The following PCDHA6 variants were observed in gnomAD, a reference collection of about 807,000 sequenced individuals.
PCDHA6 encodes protocadherin alpha 6.
A neutral mutation model predicts 60.3 loss-of-function variants in PCDHA6; 55 were observed. That is an observed-to-expected ratio of 0.91 (90% CI 0.73 to 1.14). The LOEUF (loss-of-function observed/expected upper bound fraction) is 1.14. PCDHA6 is among the 50% of genes most tolerant of loss of function. The pLI, the probability that PCDHA6 is intolerant of heterozygous loss-of-function variation, is 0.00. For synonymous variants in PCDHA6, 652 were observed against 557.9 expected (o/e 1.17, Z -2.38); for missense variants, 1,327 against 1,256.5 (o/e 1.06, Z -0.85).
At chr5:140,968,653 C>T (rs1301566656) in intron 1 of PCDHA6, 1 of 1,614,150 alleles carries the variant, frequency 6.2e-7, no homozygotes, top group Non-Finnish European at 8.5e-7. Flanking sequence ...AGACTTCTGA[C>T]CTGGACCTCT....
intron 1 of PCDHA6, among the ~76,000 whole-genome samples, chr5:140,938,121 A>C (rs981387543): frequency 6.6e-6 from 1 of 151,892 alleles, no homozygotes; most frequent in South Asian, 2.1e-4. Flanking sequence ...CTCTTTTTTT[A>C]AAAAAATAGA....
At chr5:140,909,850 C>T (rs181576128) in intron 1 of PCDHA6, among the ~76,000 whole-genome samples, 30 of 152,294 alleles carry the variant, frequency 2.0e-4, no homozygotes, top group Admixed American at 5.9e-4. Flanking sequence ...AGGACGTTTT[C>T]GGTCCCCTGG....
intron 1 of PCDHA6, chr5:140,883,045 A>G: frequency 1.2e-6 from 2 of 1,614,190 alleles, no homozygotes; most frequent in Non-Finnish European, 1.7e-6. Context: ...TCAATGGAAC[A>G]TTAGTGATCA....
At chr5:140,834,086 C>A (rs1400952660) in intron 1 of PCDHA6, among the ~76,000 whole-genome samples, 2 of 152,152 alleles carry the variant, frequency 1.3e-5, no homozygotes, top group Non-Finnish European at 2.9e-5. Context: ...TAACCTTTAA[C>A]AACAATGAAG....
rs782590821 is a variant in PCDHA6 at position 140,929,251 on chromosome 5, G to T, written c.2395-49698G>T. On this transcript the variant is annotated intron_variant, in intron 1 of 3. Transcript: ENST00000529310. ...CGACCTGCGAAATCTTGCCACTGGG[G>T]TAGGACTGAATTTGCCAATATCCTG... The T allele has an allele frequency of 3.1e-6, 5 of 1,613,416 alleles. No homozygotes were observed. Among genetic ancestry groups the T allele is most frequent in the African/African-American group, 1.3e-5 (1 of 74,908 alleles).
intron 1 of PCDHA6, among the ~76,000 whole-genome samples, chr5:140,943,274 A>G (rs1179008027): frequency 6.4e-5 from 9 of 141,284 alleles, no homozygotes; most frequent in Non-Finnish European, 1.0e-4. Flanking sequence ...AAAAAAAAAA[A>G]AAAGAAAGAA....
intron 1 of PCDHA6, among the ~76,000 whole-genome samples, chr5:140,897,045 C>T (rs1362151452): frequency 3.3e-5 from 5 of 152,090 alleles, no homozygotes; most frequent in African/African-American, 9.7e-5. Context: ...TCACCCTATT[C>T]TGCTGTCAAA....
intron 1 of PCDHA6, chr5:140,867,619 C>G (rs1554161426): frequency 6.6e-6 from 1 of 152,174 alleles, no homozygotes; most frequent in African/African-American, 2.4e-5. Context: ...AACTATAGAA[C>G]AAAATATTTA....
At chr5:140,851,027 C>T (rs782593711) in intron 1 of PCDHA6, 2 of 1,410,074 alleles carry the variant, frequency 1.4e-6, no homozygotes, top group South Asian at 1.8e-5. Context: ...TAAAGTAAAC[C>T]CCTTAACATT....
chr5:140,840,690 A>G (rs2150308704), intron 1 of PCDHA6, among the ~76,000 whole-genome samples: 1 of 152,210 alleles, frequency 6.6e-6, no homozygotes, highest in South Asian at 2.1e-4. Context: ...AGTAAATAAA[A>G]CGGTTCAGGC....
chr5:140,841,503 C>T (rs2150316766), intron 1 of PCDHA6: 3 of 1,613,300 alleles, frequency 1.9e-6, no homozygotes, highest in African/African-American at 1.3e-5. Context: ...GAGCTGGTGC[C>T]GCGCCTGTTC....
At chr5:140,871,662 A>G in intron 1 of PCDHA6, 1 of 1,211,512 alleles carries the variant, frequency 8.3e-7, no homozygotes, top group Non-Finnish European at 1.1e-6. Context: ...ACACATCTTC[A>G]GTCTTTTAAT....
chr5:140,896,467 G>A (rs191220082), intron 1 of PCDHA6, among the ~76,000 whole-genome samples: 1,607 of 151,540 alleles, frequency 0.011, 16 homozygotes, highest in African/African-American at 0.028. Context: ...GGTTCAAGCG[G>A]TTCTCCTGCC....
chr5:140,990,754 G>A (rs3822343), intron 3 of PCDHA6, among the ~76,000 whole-genome samples: 7,419 of 152,246 alleles, frequency 0.049, 237 homozygotes, highest in South Asian at 0.11. Flanking sequence ...GGATACCTTT[G>A]AGCCTGTAAA....
chr5:140,892,507 C>T (rs1261497068), intron 1 of PCDHA6, among the ~76,000 whole-genome samples: 1 of 152,162 alleles, frequency 6.6e-6, no homozygotes, highest in Non-Finnish European at 1.5e-5. Context: ...TTAAGAAGTT[C>T]CACCATGACT....
chr5:140,955,220 A>T (rs1016918569), intron 1 of PCDHA6, among the ~76,000 whole-genome samples: 1 of 152,130 alleles, frequency 6.6e-6, no homozygotes, highest in Non-Finnish European at 1.5e-5. Flanking sequence ...TGATGCCTCC[A>T]GCTTTGTTCT....
At chr5:140,867,525 TA>T (rs2050008799) in intron 1 of PCDHA6, 4 of 152,102 alleles carry the variant, frequency 2.6e-5, no homozygotes, top group Admixed American at 2.6e-4. Context: ...AATAGTTGAA[TA>T]TATATATAAA....
chr5:140,830,292 C>G lies in PCDHA6; in HGVS notation c.2201C>G (p.Ala734Gly). Residue 734 changes from alanine to glycine, a missense_variant, in exon 1 of 4, where the codon GCG becomes GGG. By Grantham distance (60) the Ala-to-Gly change is moderately conservative. Transcript: ENST00000529310. ...CCACCCACCGAGGGCGCGTGCACGGCGGACAAGCCCACGCTGGTGTGCTCC... is the reference window on the plus strand; with the variant it reads ...CCACCCACCGAGGGCGCGTGCACGGGGGACAAGCCCACGCTGGTGTGCTCC... ...SAPPTEGACTADKPTLVCSSA... is the reference protein window; with the variant it reads ...SAPPTEGACTGDKPTLVCSSA... 2 of 1,613,830 alleles carry G rather than the reference C, an allele frequency of 1.2e-6. No homozygotes were observed. Among genetic ancestry groups the G allele is most frequent in the Non-Finnish European group, 1.7e-6 (2 of 1,179,850 alleles).
At chr5:140,900,626 T>C (rs958637463) in intron 1 of PCDHA6, among the ~76,000 whole-genome samples, 6 of 152,230 alleles carry the variant, frequency 3.9e-5, no homozygotes, top group Non-Finnish European at 7.3e-5. Flanking sequence ...TGCTTCCAAA[T>C]CTTGGCTATT....
Sources: gnomAD v4.1 joint callset for allele counts (sites outside exome capture counted in the v4.1 genomes callset) on GRCh38, gnomAD v4.1.1 for gene constraint, MANE v1.5 for transcripts, NCBI Gene and HGNC (gene_info 2026-07-23, HGNC 2026-07-21) for gene names.